Variants in SLIT3 observed in about 807,000 individuals in gnomAD.
SLIT3 encodes slit guidance ligand 3, also known as slit homolog 3 protein.
In SLIT3, 68 loss-of-function variants were observed where a neutral mutation model predicts 184.0. The observed-to-expected ratio is 0.37, with a 90% CI of 0.30 to 0.45. The LOEUF (loss-of-function observed/expected upper bound fraction) is 0.45, where lower values mean the gene tolerates loss of function less well. Among genes scored for constraint, SLIT3 ranks in the 20% least tolerant of loss-of-function variants. The probability of loss-of-function intolerance (pLI) is 1.00; values close to 1 mark genes in which losing one functional copy is unlikely to be tolerated. For missense variants in SLIT3, 1,707 were observed against 2,026.0 expected (o/e 0.84, Z 3.02); for synonymous variants, 831 against 828.6 (o/e 1.00, Z -0.05).
chr5:169,300,855 A>T lies in SLIT3; in HGVS notation c.-146T>A. ...AGGGGCGAGCTCGGTGCTCAGGCGC[A>T]CGGGGCGCGGGCGGAGCGGGGCGCT... is the stretch of plus-strand genomic sequence containing the variant. On this transcript the variant is annotated 5_prime_UTR_variant, in exon 1 of 36. Transcript: ENST00000519560. This position sits in a 1 kb window ranked among gnomAD's most constrained non-coding sequence, Gnocchi z 4.1. 1 of 784,472 alleles carries T rather than the reference A, an allele frequency of 1.3e-6. No homozygotes were observed. The allele number at this position is 784,472 out of a possible 1,614,324, so 48.6% of individuals were successfully genotyped here. A position where few individuals can be genotyped will look rare whatever the true frequency, so the allele number is the denominator to read the frequency against.
At chr5:168,902,952 T>A (rs1260872211) in intron 4 of SLIT3, among the ~76,000 whole-genome samples, 1 of 152,112 alleles carries the variant, frequency 6.6e-6, no homozygotes, top group Admixed American at 6.6e-5. Context: ...GATGGGCAGA[T>A]GGGATCTTAT....
At chr5:168,737,622 A>G (rs920749892) in intron 20 of SLIT3, among the ~76,000 whole-genome samples, 1 of 152,196 alleles carries the variant, frequency 6.6e-6, no homozygotes, top group African/African-American at 2.4e-5. Flanking sequence ...AGGACAACAA[A>G]TCCATGCTCA....
chr5:169,221,966 A>G (rs1205339835), intron 3 of SLIT3, among the ~76,000 whole-genome samples: 2 of 152,162 alleles, frequency 1.3e-5, no homozygotes, highest in African/African-American at 2.4e-5. Context: ...CAGGACAACA[A>G]TTTCATTAAA....
intron 4 of SLIT3, among the ~76,000 whole-genome samples, chr5:168,920,051 G>C (rs61333531): frequency 0.025 from 3,858 of 152,250 alleles, 64 homozygotes; most frequent in Middle Eastern, 0.051. Flanking sequence ...GGAAGTGAGT[G>C]TTTATTTTTT....
chr5:168,874,861 T>C (rs1405699614), intron 5 of SLIT3, among the ~76,000 whole-genome samples: 1 of 152,178 alleles, frequency 6.6e-6, no homozygotes, highest in Non-Finnish European at 1.5e-5. Context: ...CCGGGGCAAA[T>C]AGAGAAGAGT....
chr5:169,163,806 G>A (rs890821171), intron 4 of SLIT3, among the ~76,000 whole-genome samples: 1 of 152,062 alleles, frequency 6.6e-6, no homozygotes, highest in Non-Finnish European at 1.5e-5. Flanking sequence ...GAAGGGTGAC[G>A]TGACCACTCC....
chr5:169,033,844 C>T (rs1157839067), intron 4 of SLIT3, among the ~76,000 whole-genome samples: 3 of 135,122 alleles, frequency 2.2e-5, no homozygotes, highest in African/African-American at 8.4e-5. Context: ...GATGGAGTCT[C>T]ACTCTGTCAC....
At chr5:169,210,502 C>T (rs1283620577) in intron 3 of SLIT3, among the ~76,000 whole-genome samples, 1 of 152,150 alleles carries the variant, frequency 6.6e-6, no homozygotes, top group Admixed American at 6.5e-5. Flanking sequence ...ATAGAATGTA[C>T]TGGCACTTGG....
intron 4 of SLIT3, among the ~76,000 whole-genome samples, chr5:169,140,279 A>G (rs1054249350): frequency 2.3e-5 from 3 of 132,270 alleles, no homozygotes; most frequent in Non-Finnish European, 3.1e-5. Context: ...CCTGGCCAAC[A>G]TGGTAAAACC....
At chr5:168,886,678 G>A (rs1262764146) in intron 4 of SLIT3, among the ~76,000 whole-genome samples, 1 of 152,148 alleles carries the variant, frequency 6.6e-6, no homozygotes, top group Non-Finnish European at 1.5e-5. Context: ...TAGGGTGCAG[G>A]AGTGGGAGGT....
At chr5:168,916,670 A>G (rs17070611) in intron 4 of SLIT3, among the ~76,000 whole-genome samples, 7,329 of 152,262 alleles carry the variant, frequency 0.048, 307 homozygotes, top group African/African-American at 0.11. Context: ...GAGTGGCAAA[A>G]ATACAGTTAA....
At chr5:168,785,999 A>G in intron 11 of SLIT3, 21 bp from the exon 12 acceptor site, 2 of 1,558,342 alleles carry the variant, frequency 1.3e-6, no homozygotes, top group African/African-American at 1.4e-5. Flanking sequence ...GAAGGAGAAG[A>G]CAGCAATCAC....
At chr5:168,955,432 TCTC>T (rs1444362890) in intron 4 of SLIT3, among the ~76,000 whole-genome samples, 2 of 152,184 alleles carry the variant, frequency 1.3e-5, no homozygotes, top group Non-Finnish European at 2.9e-5. Context: ...CAGCTCTGCT[TCTC>T]CTCTTTTCCT....
At chr5:169,123,595 G>T (rs948159432) in intron 4 of SLIT3, among the ~76,000 whole-genome samples, 1 of 152,196 alleles carries the variant, frequency 6.6e-6, no homozygotes, top group Admixed American at 6.5e-5. Flanking sequence ...TGCCAAAACT[G>T]TTGTACCCAA....
rs909878681 is a variant in SLIT3 at position 169,010,857 on chromosome 5, C to T, written c.414-127521G>A. Among the ~76,000 whole-genome samples the T allele has an allele frequency of 6.7e-5, 10 of 149,400 alleles. No individual in the cohort carries two copies. The East Asian group carries it at 1.6e-3, about 24-fold the overall frequency. ...GGCGGAGGCAGAGGGTGCAGTGAGC[C>T]GAGATCGCGCCACTGCACTCCAGCC... On this transcript the variant is annotated intron_variant, in intron 4 of 35. Coordinates refer to ENST00000519560, the MANE Select transcript of SLIT3 (RefSeq NM_003062.4).
intron 20 of SLIT3, among the ~76,000 whole-genome samples, chr5:168,746,782 T>G (rs1448545992): frequency 2.4e-4 from 9 of 38,254 alleles, no homozygotes; most frequent in African/African-American, 9.3e-4. Flanking sequence ...GTGTGGTGTG[T>G]GAGTGTGGTG....
chr5:168,977,750 T>C (rs1320796669), intron 4 of SLIT3, among the ~76,000 whole-genome samples: 1 of 152,176 alleles, frequency 6.6e-6, no homozygotes, highest in East Asian at 1.9e-4. Context: ...TGCTTTTTTT[T>C]TTAAGTTAAC....
intron 4 of SLIT3, among the ~76,000 whole-genome samples, chr5:169,126,824 G>A (rs372954584): frequency 1.3e-5 from 2 of 152,286 alleles, no homozygotes; most frequent in African/African-American, 4.8e-5. Flanking sequence ...GCCACAGATG[G>A]GGATCACTTC....
At chr5:169,229,684 C>G (rs1265542016) in intron 3 of SLIT3, among the ~76,000 whole-genome samples, 1 of 139,198 alleles carries the variant, frequency 7.2e-6, no homozygotes, top group Non-Finnish European at 1.7e-5. Context: ...ATTCATCACT[C>G]TTGGGCCGTG....
Sources: gnomAD v4.1 joint callset for allele counts (sites outside exome capture counted in the v4.1 genomes callset) on GRCh38, gnomAD v4.1.1 for gene constraint, Gnocchi (gnomAD v3.1) non-coding constraint, MANE v1.5 for transcripts, NCBI Gene and HGNC (gene_info 2026-07-23, HGNC 2026-07-21) for gene names.